CD8B: variants seen among roughly 807,000 people sequenced by gnomAD.
CD8B encodes the protein CD8 subunit beta, also known as T-cell surface glycoprotein CD8 beta chain.
Under a neutral mutation model 24.2 loss-of-function variants are expected in CD8B, and 6 were observed. The ratio of observed to expected loss-of-function variants is 0.25; its 90% CI spans 0.14 to 0.49. The LOEUF is 0.49. Ranked by LOEUF, CD8B falls within the 20% of genes least tolerant of loss-of-function variation. CD8B has a pLI of 0.98. For synonymous variants in CD8B, 84 were observed against 108.3 expected (o/e 0.78, Z 1.39); for missense variants, 196 against 271.3 (o/e 0.72, Z 1.95).
chr2:86,842,305 G>A lies in CD8B; in HGVS notation c.*2C>T. 6.3e-7 allele frequency: 1 copy of A among 1,590,870 alleles called. No homozygotes were observed. Among genetic ancestry groups the A allele is most frequent in the Non-Finnish European group, 8.5e-7 (1 of 1,170,400 alleles). Reference sequence around the variant, plus strand: ...GCAGGACACCAAAACCGTATTCTCTGCTCATTTGTAAAATCTGAAAACAAC... The same window carrying A: ...GCAGGACACCAAAACCGTATTCTCTACTCATTTGTAAAATCTGAAAACAAC... On this transcript the variant is annotated 3_prime_UTR_variant, in exon 6 of 6. Coordinates refer to ENST00000390655, the MANE Select transcript of CD8B (RefSeq NM_004931.5).
At chr2:86,819,935 T>A (rs962058943) in intron 5 of CD8B, among the ~76,000 whole-genome samples, 1 of 152,168 alleles carries the variant, frequency 6.6e-6, no homozygotes, top group African/African-American at 2.4e-5. Context: ...AGCAGGTGAT[T>A]CCAATTCTCC....
chr2:86,840,018 T>G lies in CD8B; in HGVS notation c.*2289A>C, dbSNP rs1210326321. ...TGATGGGCAGAGCTTTTGTTTCTTT[T>G]GAACACCTCTTGCTGAGGCAGGAGT... On this transcript the variant is annotated 3_prime_UTR_variant, in exon 6 of 6. Coordinates refer to ENST00000390655, the MANE Select transcript of CD8B (RefSeq NM_004931.5). 1.3e-5 allele frequency among the ~76,000 whole-genome samples: 2 copies of G among 152,228 alleles called. No homozygotes were observed. The highest frequency in any genetic ancestry group is 1.5e-5 in the Non-Finnish European group (1 of 68,046).
intron 3 of CD8B, among the ~76,000 whole-genome samples, chr2:86,851,435 G>T (rs7565893): frequency 0.7 from 106,928 of 151,964 alleles, 37,893 homozygotes; most frequent in East Asian, 0.81. Flanking sequence ...TCCTTTTTAT[G>T]GTAGTCTGCC....
At position 86,841,945 on chromosome 2, in the gene CD8B, A is replaced by G. The variant is rs1242721954; in HGVS notation, c.*362T>C. On this transcript the variant is annotated 3_prime_UTR_variant, in exon 6 of 6. Transcript: ENST00000390655. ...ACCCAGGACCCAATGTTACTGCCCT[A>G]CCAGGGCAAAGCAACCTGCAAAGAT... 50 of 1,027,162 alleles carry G rather than the reference A, an allele frequency of 4.9e-5. No individual in the cohort carries two copies. The highest frequency in any genetic ancestry group is 5.7e-5 in the Admixed American group (1 of 17,556). The allele number at this position is 1,027,162 out of a possible 1,614,324, so 63.6% of individuals were successfully genotyped here. A position where few individuals can be genotyped will look rare whatever the true frequency, so the allele number is the denominator to read the frequency against.
intron 5 of CD8B, among the ~76,000 whole-genome samples, chr2:86,816,892 A>G (rs968815646): frequency 3.9e-5 from 6 of 152,330 alleles, no homozygotes; most frequent in Admixed American, 3.3e-4. Context: ...GCAAAAACCA[A>G]TACAAAGTTA....
chr2:86,819,235 G>T (rs1170220742), intron 5 of CD8B, among the ~76,000 whole-genome samples: 2 of 152,226 alleles, frequency 1.3e-5, no homozygotes, highest in African/African-American at 4.8e-5. Context: ...CTGCAGCACA[G>T]CAGGTTATCC....
At chr2:86,830,761 C>T (rs975623694) in intron 5 of CD8B, among the ~76,000 whole-genome samples, 5 of 151,764 alleles carry the variant, frequency 3.3e-5, no homozygotes, top group Admixed American at 6.6e-5. Flanking sequence ...TGAATGGGCC[C>T]GTTTATCAGC....
chr2:86,847,678 G>A (rs1159083702), intron 3 of CD8B, among the ~76,000 whole-genome samples: 2 of 152,158 alleles, frequency 1.3e-5, no homozygotes, highest in Non-Finnish European at 2.9e-5. Flanking sequence ...CGATTCTCCT[G>A]CCTCAGCCTC....
intron 3 of CD8B, among the ~76,000 whole-genome samples, chr2:86,852,775 T>A (rs540223519): frequency 1.3e-5 from 2 of 152,278 alleles, no homozygotes; most frequent in East Asian, 3.9e-4. Context: ...TGGGTGGAGA[T>A]CTCCTCCATT....
intron 5 of CD8B, among the ~76,000 whole-genome samples, chr2:86,823,941 C>A (rs1175787494): frequency 1.3e-5 from 2 of 151,874 alleles, no homozygotes; most frequent in East Asian, 3.9e-4. Context: ...GGGGTCCAGG[C>A]AGAGAGAGGA....
At chr2:86,859,464 G>A (rs542609749) in intron 1 of CD8B, among the ~76,000 whole-genome samples, 1 of 152,270 alleles carries the variant, frequency 6.6e-6, no homozygotes, top group African/African-American at 2.4e-5. Context: ...GGACAGCTTG[G>A]GGCTGTTGTC....
chr2:86,815,775 T>G (rs926433036), intron 5 of CD8B: 6 of 945,188 alleles, frequency 6.3e-6, no homozygotes, highest in Non-Finnish European at 1.0e-5. Context: ...AGGTGTTGGT[T>G]ACTTATTAAG....
intron 5 of CD8B, among the ~76,000 whole-genome samples, chr2:86,842,663 C>T (rs1467517370): frequency 6.6e-6 from 1 of 152,192 alleles, no homozygotes; most frequent in Non-Finnish European, 1.5e-5. Flanking sequence ...CAGTTAGAGG[C>T]TGGGGAACAA....
At chr2:86,830,556 G>T (rs1356131127) in intron 5 of CD8B, among the ~76,000 whole-genome samples, 2 of 150,680 alleles carry the variant, frequency 1.3e-5, no homozygotes, top group Non-Finnish European at 2.9e-5. Context: ...GACAGAGTGA[G>T]ACTCTGTCTC....
Position 86,815,677 on chromosome 2 carries a change from CA to C in CD8B, c.661del (p.Cys221AlafsTer21). ...AGTATTGCTGTAGTATCCATGCAGG[CA>C]TTGGGGGACAAAGGTTCCTGATATA... On this transcript the variant is annotated frameshift_variant, in exon 6 of 6. Coordinates refer to the CD8B transcript ENST00000331469. LOFTEE classifies it low-confidence loss of function (END_TRUNC). 1 of 1,613,316 alleles carries C rather than the reference CA, an allele frequency of 6.2e-7. No individual in the cohort carries two copies. The highest frequency in any genetic ancestry group is 8.5e-7 in the Non-Finnish European group (1 of 1,179,262).
chr2:86,825,300 T>TC (rs1674632929), intron 5 of CD8B, among the ~76,000 whole-genome samples: 2 of 152,016 alleles, frequency 1.3e-5, no homozygotes, highest in African/African-American at 4.8e-5. Flanking sequence ...TCTGTCTGAC[T>TC]CCCCCCTACT....
intron 5 of CD8B, among the ~76,000 whole-genome samples, chr2:86,825,295 C>G (rs566748829): frequency 1.3e-5 from 2 of 152,288 alleles, no homozygotes; most frequent in Non-Finnish European, 2.9e-5. Context: ...GCAGCTCTGT[C>G]TGACTCCCCC....
intron 5 of CD8B, among the ~76,000 whole-genome samples, chr2:86,832,286 C>T (rs62146086): frequency 0.32 from 48,795 of 151,578 alleles, 8,278 homozygotes; most frequent in Non-Finnish European, 0.39. Flanking sequence ...CAAGACCAGC[C>T]TGGCCAACAT....
intron 5 of CD8B, among the ~76,000 whole-genome samples, chr2:86,821,232 C>G (rs1311288114): frequency 2.0e-5 from 3 of 151,728 alleles, no homozygotes; most frequent in African/African-American, 7.3e-5. Context: ...ACTCATGAAG[C>G]CTGCTGCTCC....
Sources: allele counts gnomAD v4.1 joint callset (sites outside exome capture counted in the v4.1 genomes callset), GRCh38; gene constraint gnomAD v4.1.1; transcripts MANE v1.5; gene names NCBI Gene and HGNC (gene_info 2026-07-23, HGNC 2026-07-21).